The following STAU2 variants were observed in gnomAD, a reference collection of about 807,000 sequenced individuals.
STAU2 encodes the protein staufen double-stranded RNA binding protein 2.
STAU2 carries 20 observed loss-of-function variants against 65.9 expected under a neutral mutation model. The observed-to-expected ratio is 0.30, with a 90% CI of 0.21 to 0.44. The LOEUF is 0.44. Ranked by LOEUF, STAU2 falls within the 20% of genes least tolerant of loss-of-function variation. STAU2 has a pLI of 1.00. For synonymous variants in STAU2, 232 were observed against 233.9 expected (o/e 0.99, Z 0.07); for missense variants, 558 against 683.9 (o/e 0.82, Z 2.05).
At chr8:73,454,596 A>C (rs1022599662) in intron 13 of STAU2, among the ~76,000 whole-genome samples, 3 of 152,240 alleles carry the variant, frequency 2.0e-5, no homozygotes, top group African/African-American at 7.2e-5. Context: ...ACTCTGTCCC[A>C]ACAGGACATG....
intron 6 of STAU2, among the ~76,000 whole-genome samples, chr8:73,667,115 T>G (rs1469021220): frequency 6.6e-6 from 1 of 152,172 alleles, no homozygotes; most frequent in East Asian, 1.9e-4. Flanking sequence ...ATACCCCAAA[T>G]GCAATCAAGT....
rs140515072 is a variant in STAU2, at chr8:73,671,017, C to G, written c.410+2090G>C. ...TCCTCAACACATAAACATTTGAAAA[C>G]TGGTGAAGCAATGGAATAAAAATCA... is the stretch of plus-strand genomic sequence containing the variant. On this transcript the variant is annotated intron_variant, in intron 6 of 14. Coordinates refer to ENST00000524300, the MANE Select transcript of STAU2 (RefSeq NM_001164380.2). Among the ~76,000 whole-genome samples the G allele has an allele frequency of 5.3e-4, 80 of 152,060 alleles. 1 individual carries two copies. In the East Asian group the frequency reaches 0.015, roughly 29 times the overall value.
chr8:73,448,744 A>G (rs1238705359), intron 13 of STAU2, among the ~76,000 whole-genome samples: 1 of 152,340 alleles, frequency 6.6e-6, no homozygotes, highest in East Asian at 1.9e-4. Flanking sequence ...TTCCCAAATC[A>G]GAGTTGGTGG....
intron 3 of STAU2, among the ~76,000 whole-genome samples, chr8:73,712,552 T>C (rs1420486387): frequency 6.6e-6 from 1 of 152,216 alleles, no homozygotes; most frequent in African/African-American, 2.4e-5. Context: ...TACACTATCA[T>C]CAAATATTAA....
chr8:73,693,441 G>C (rs147011465), intron 4 of STAU2, among the ~76,000 whole-genome samples: 4,215 of 148,086 alleles, frequency 0.028, 166 homozygotes, highest in African/African-American at 0.095. Flanking sequence ...CGCCACTGCA[G>C]TCCAGCCTGG....
chr8:73,632,208 T>C (rs748552087), intron 6 of STAU2, among the ~76,000 whole-genome samples: 1 of 151,918 alleles, frequency 6.6e-6, no homozygotes, highest in Non-Finnish European at 1.5e-5. Context: ...GAATATAAGA[T>C]AGTTTTATTT....
intron 13 of STAU2, among the ~76,000 whole-genome samples, chr8:73,446,849 T>C (rs1315308614): frequency 6.6e-6 from 1 of 152,198 alleles, no homozygotes; most frequent in Non-Finnish European, 1.5e-5. Flanking sequence ...TCCCCCATAC[T>C]GTCTCACCCT....
At chr8:73,738,424 C>A in intron 2 of STAU2, 75 bp from the exon 3 acceptor site, 1 of 991,268 alleles carries the variant, frequency 1.0e-6, no homozygotes. Flanking sequence ...AACACATGCC[C>A]TTGATCAAAA....
At chr8:73,472,987 C>G (rs1820114912) in intron 13 of STAU2, among the ~76,000 whole-genome samples, 1 of 152,046 alleles carries the variant, frequency 6.6e-6, no homozygotes, top group Non-Finnish European at 1.5e-5. Context: ...GAAATGAAAC[C>G]ATATACATTA....
At position 73,715,371 on chromosome 8, in the gene STAU2, G is replaced by T. The variant is rs572437855; in HGVS notation, c.-17-6209C>A. Reference sequence around the variant, plus strand: ...TTCGGGAGGCTGAGGCACCAGAATCGCTTGAACCTGGGAGGTGGAAGTTGC... The same window carrying T: ...TTCGGGAGGCTGAGGCACCAGAATCTCTTGAACCTGGGAGGTGGAAGTTGC... On this transcript the variant is annotated intron_variant, in intron 3 of 14. Transcript: ENST00000524300. 3.3e-5 allele frequency among the ~76,000 whole-genome samples: 5 copies of T among 150,332 alleles called. No individual in the cohort carries two copies. The South Asian group carries it at 1.0e-3, about 32-fold the overall frequency.
At chr8:73,675,225 AT>A (rs765602065) in intron 5 of STAU2, among the ~76,000 whole-genome samples, 2 of 152,106 alleles carry the variant, frequency 1.3e-5, no homozygotes, top group Admixed American at 6.6e-5. Context: ...CAAAATGGAA[AT>A]TTAAGAATTT....
rs547372902 is a variant in STAU2, at chr8:73,488,408, G to A, written c.1530+63604C>T. On this transcript the variant is annotated intron_variant, in intron 13 of 14. Coordinates refer to ENST00000524300, the MANE Select transcript of STAU2 (RefSeq NM_001164380.2). ...CAGATCCCAGCATTTATGTCTTGCT[G>A]GTTCAAGGAAATAAAGCTGTAGTAA... Among the ~76,000 whole-genome samples the A allele has an allele frequency of 5.3e-5, 8 of 152,036 alleles. No individual in the cohort carries two copies. In the South Asian group the frequency reaches 1.7e-3, roughly 32 times the overall value.
chr8:73,607,176 GAACTA>G, intron 9 of STAU2, among the ~76,000 whole-genome samples: 1 of 152,136 alleles, frequency 6.6e-6, no homozygotes, highest in South Asian at 2.1e-4. Context: ...TTGTTTAAAG[GAACTA>G]AACAAATAAC....
At chr8:73,654,217 T>C (rs1816120439) in intron 6 of STAU2, among the ~76,000 whole-genome samples, 3 of 152,258 alleles carry the variant, frequency 2.0e-5, no homozygotes, top group Admixed American at 6.5e-5. Context: ...TACCTATACA[T>C]AGTAGTAAGG....
intron 13 of STAU2, among the ~76,000 whole-genome samples, chr8:73,544,740 T>C (rs1192134266): frequency 6.6e-6 from 1 of 152,170 alleles, no homozygotes; most frequent in African/African-American, 2.4e-5. Flanking sequence ...AGGTTATACT[T>C]ACTATGTCAT....
chr8:73,607,064 T>C (rs1249892629), intron 9 of STAU2, among the ~76,000 whole-genome samples: 5 of 152,302 alleles, frequency 3.3e-5, no homozygotes, highest in Middle Eastern at 3.4e-3. Context: ...ATTATCTTGA[T>C]GGTGGTTATA....
chr8:73,708,254 T>C (rs1019045882), intron 4 of STAU2, among the ~76,000 whole-genome samples: 2 of 152,240 alleles, frequency 1.3e-5, no homozygotes, highest in African/African-American at 4.8e-5. Flanking sequence ...CCAGTTGCTT[T>C]AAGAAGATTA....
intron 13 of STAU2, among the ~76,000 whole-genome samples, chr8:73,516,981 C>T (rs1822767222): frequency 6.6e-6 from 1 of 152,040 alleles, no homozygotes; most frequent in Non-Finnish European, 1.5e-5. Flanking sequence ...GAACTGTTAA[C>T]AGAAAGGTTT....
intron 6 of STAU2, among the ~76,000 whole-genome samples, chr8:73,621,263 T>C (rs1428863126): frequency 6.6e-6 from 1 of 152,130 alleles, no homozygotes; most frequent in African/African-American, 2.4e-5. Flanking sequence ...TCTCACAAGA[T>C]CTGACGGTTT....
Sources: gnomAD v4.1 joint callset for allele counts (sites outside exome capture counted in the v4.1 genomes callset) on GRCh38, gnomAD v4.1.1 for gene constraint, MANE v1.5 for transcripts, NCBI Gene and HGNC (gene_info 2026-07-23, HGNC 2026-07-21) for gene names.